The following PHLDB2 variants were observed in gnomAD, a reference collection of about 807,000 sequenced individuals.
The protein encoded by PHLDB2 is pleckstrin homology like domain family B member 2, also known as pleckstrin homology-like domain family B member 2.
In PHLDB2, 71 loss-of-function variants were observed where a neutral mutation model predicts 123.6. The observed-to-expected ratio is 0.57, with a 90% CI of 0.47 to 0.70. The LOEUF (loss-of-function observed/expected upper bound fraction) is 0.70. PHLDB2 is among the 30% of genes least tolerant of loss of function. The pLI is 0.00. For missense variants in PHLDB2, 1,446 were observed against 1,519.5 expected (o/e 0.95, Z 0.80); for synonymous variants, 547 against 541.6 (o/e 1.01, Z -0.14).
intron 12 of PHLDB2, chr3:111,957,571 G>A (rs972445228): frequency 1.3e-5 from 2 of 152,190 alleles, no homozygotes; most frequent in South Asian, 2.1e-4. Context: ...AGAGAATAGA[G>A]GGTATTGTGA....
chr3:111,909,572 T>A lies in PHLDB2; in HGVS notation c.1336-3747T>A, dbSNP rs532672025. 3.1e-4 allele frequency among the ~76,000 whole-genome samples: 47 copies of A among 152,276 alleles called. 1 individual carries two copies. The South Asian group carries it at 9.5e-3, about 31-fold the overall frequency. ...ATGAGTGCACCACTGTGCTCCAGCC[T>A]GGGTGACATTGACAGACTTTGTCTC... is the stretch of plus-strand genomic sequence containing the variant. On this transcript the variant is annotated intron_variant, in intron 2 of 17. Coordinates refer to ENST00000431670, the MANE Select transcript of PHLDB2 (RefSeq NM_001134438.2).
intron 1 of PHLDB2, among the ~76,000 whole-genome samples, chr3:111,843,314 T>C (rs1034756116): frequency 1.3e-5 from 2 of 152,238 alleles, no homozygotes; most frequent in Non-Finnish European, 2.9e-5. Context: ...CATATTGTGG[T>C]ATTGATGTGC....
chr3:111,928,689 G>A (rs2068944172), intron 5 of PHLDB2, among the ~76,000 whole-genome samples: 1 of 152,032 alleles, frequency 6.6e-6, no homozygotes, highest in South Asian at 2.1e-4. Context: ...TTTACCCATG[G>A]GTAATTTATC....
intron 6 of PHLDB2, among the ~76,000 whole-genome samples, chr3:111,936,224 T>A (rs985146956): frequency 6.6e-6 from 1 of 152,226 alleles, no homozygotes; most frequent in Non-Finnish European, 1.5e-5. Context: ...CAGAATTTCC[T>A]TTAGTGCAGC....
intron 1 of PHLDB2, among the ~76,000 whole-genome samples, chr3:111,818,787 G>T (rs952314831): frequency 6.6e-6 from 1 of 151,984 alleles, no homozygotes; most frequent in Admixed American, 6.6e-5. Context: ...CTCCATGCTG[G>T]GCCATAATAA....
chr3:111,807,949 T>TTG (rs2061666996), intron 1 of PHLDB2, among the ~76,000 whole-genome samples: 1 of 47,370 alleles, frequency 2.1e-5, no homozygotes. Context: ...GCTGGGTGTT[T>TTG]TTTTTTTTTT....
intron 16 of PHLDB2, among the ~76,000 whole-genome samples, chr3:111,971,971 C>T (rs1374082125): frequency 6.6e-6 from 1 of 152,180 alleles, no homozygotes; most frequent in Admixed American, 6.5e-5. Context: ...GAATGTGCAG[C>T]GTTATCTCAT....
chr3:111,770,710 A>G (rs4682060), intron 1 of PHLDB2, among the ~76,000 whole-genome samples: 131,659 of 152,206 alleles, frequency 0.87, 57,851 homozygotes, highest in East Asian at 1. Flanking sequence ...AATATTACAC[A>G]GTTCCCACCT....
At chr3:111,805,827 G>A (rs149574480) in intron 1 of PHLDB2, among the ~76,000 whole-genome samples, 12 of 143,032 alleles carry the variant, frequency 8.4e-5, no homozygotes, top group Non-Finnish European at 7.4e-5. Context: ...GATTGTGATG[G>A]TGGTTGCATA....
At chr3:111,774,477 G>C (rs931976875) in intron 1 of PHLDB2, among the ~76,000 whole-genome samples, 1 of 152,156 alleles carries the variant, frequency 6.6e-6, no homozygotes, top group Non-Finnish European at 1.5e-5. Context: ...GTGGCTTGGC[G>C]CATCTGCATT....
At chr3:111,821,032 G>A (rs1010605647) in intron 1 of PHLDB2, among the ~76,000 whole-genome samples, 1 of 152,184 alleles carries the variant, frequency 6.6e-6, no homozygotes, top group Non-Finnish European at 1.5e-5. Flanking sequence ...AGCCCCTGAA[G>A]TTCTCCTCTC....
intron 1 of PHLDB2, among the ~76,000 whole-genome samples, chr3:111,790,277 T>A (rs2060859369): frequency 6.6e-6 from 1 of 152,210 alleles, no homozygotes; most frequent in Non-Finnish European, 1.5e-5. Context: ...AAGAGACTCC[T>A]GCTGTTGTAG....
Position 111,859,308 on chromosome 3 carries a change from G to C in PHLDB2, c.-283G>C, listed in dbSNP as rs2064670328. 1 of 985,424 alleles carries C rather than the reference G, an allele frequency of 1.0e-6. No individual in the cohort carries two copies. The highest frequency in any genetic ancestry group is 1.7e-5 in the African/African-American group (1 of 57,252). The allele number at this position is 985,424 out of a possible 1,614,324, so 61.0% of individuals were successfully genotyped here. On this transcript the variant is annotated 5_prime_UTR_variant, in exon 1 of 18. Coordinates refer to ENST00000431670, the MANE Select transcript of PHLDB2 (RefSeq NM_001134438.2). ...TAGCTTTGAGAAGCTGGCGCCCAGT[G>C]ATGGGGCAAACAGCCATGCCCTTCC...
chr3:111,891,240 C>T (rs2066472275), intron 2 of PHLDB2, among the ~76,000 whole-genome samples: 1 of 152,110 alleles, frequency 6.6e-6, no homozygotes, highest in South Asian at 2.1e-4. Context: ...GCGTTTGTGG[C>T]CTGTTAGGAA....
In PHLDB2 at chr3:111,940,642, A is replaced by G. The variant is rs1454997776; in HGVS notation, c.2394A>G (p.Gln798=). The G allele has an allele frequency of 2.6e-6, 4 of 1,559,832 alleles. No individual in the cohort carries two copies. Among genetic ancestry groups the G allele is most frequent in the Non-Finnish European group, 3.5e-6 (4 of 1,143,600 alleles). ...KEKNNLIMML[Q]REKENLCNLE... ...AGAATAATTTAATAATGATGTTGCA[A>G]AGAGTAAGTATTTCCTTTTCAGCAC... is the stretch of plus-strand genomic sequence containing the variant. The change falls in exon 8 of 18, where the codon CAA becomes CAG. Residue 798 remains glutamine, a synonymous_variant. Transcript: ENST00000431670.
At position 111,884,615 on chromosome 3, in the gene PHLDB2, T is replaced by C. The variant is rs1460185909; in HGVS notation, c.538T>C (p.Trp180Arg). The C allele has an allele frequency of 6.2e-7, 1 of 1,614,132 alleles. No homozygotes were observed. Among genetic ancestry groups the C allele is most frequent in the South Asian group, 1.1e-5 (1 of 91,076 alleles). ...GGCATCTGGCTCGCTCCTGGCCATG[T>C]GGAATGGAAGTTCCCTGAGTGATGC... ...RKASGSLLAMWNGSSLSDAGP... is the reference protein window; with the variant it reads ...RKASGSLLAMRNGSSLSDAGP... Residue 180 changes from tryptophan to arginine, a missense_variant, in exon 2 of 18, where the codon TGG becomes CGG. Trp to Arg is a moderately radical substitution (Grantham distance 101). This residue lies in a region of PHLDB2 where 832 missense variants were observed against 831.9 expected (regional missense o/e 1.00). Coordinates refer to ENST00000431670, the MANE Select transcript of PHLDB2 (RefSeq NM_001134438.2).
At chr3:111,868,584 C>T (rs2065196341) in intron 1 of PHLDB2, among the ~76,000 whole-genome samples, 1 of 151,724 alleles carries the variant, frequency 6.6e-6, no homozygotes, top group South Asian at 2.1e-4. Context: ...TTTCTGTAAT[C>T]ACAGACAGCA....
At chr3:111,821,308 C>T (rs370380861) in intron 1 of PHLDB2, among the ~76,000 whole-genome samples, 7 of 152,158 alleles carry the variant, frequency 4.6e-5, no homozygotes, top group Non-Finnish European at 8.8e-5. Context: ...ATATGTGATG[C>T]GTCTGTATTA....
upstream of PHLDB2, among the ~76,000 whole-genome samples, chr3:111,857,705 G>T (rs1043885760): frequency 6.6e-6 from 1 of 152,140 alleles, no homozygotes; most frequent in Non-Finnish European, 1.5e-5. Context: ...ATGAAAAAAA[G>T]CTCATCATCA....
Sources: gnomAD v4.1 joint callset for allele counts (sites outside exome capture counted in the v4.1 genomes callset) on GRCh38, gnomAD v4.1.1 for gene constraint, gnomAD v4.1.1 regional missense constraint, MANE v1.5 for transcripts, NCBI Gene and HGNC (gene_info 2026-07-23, HGNC 2026-07-21) for gene names.